Variants in CLIC4 observed in about 807,000 individuals in gnomAD.
CLIC4 encodes CLIC family member 4, also known as chloride intracellular channel protein 4.
In CLIC4, 13 loss-of-function variants were observed where a neutral mutation model predicts 24.6. The observed-to-expected ratio is 0.53, with a 90% CI of 0.34 to 0.84. CLIC4 has a LOEUF of 0.84. Among genes scored for constraint, CLIC4 ranks in the 40% least tolerant of loss-of-function variants. The pLI is 0.01. For synonymous variants in CLIC4, 104 were observed against 111.3 expected, an observed-to-expected ratio of 0.93 and a Z score of 0.41; for missense variants, 227 against 301.7, an observed-to-expected ratio of 0.75 and a Z score of 1.83.
chr1:24,805,114 CA>C (rs1639536606), intron 2 of CLIC4, among the ~76,000 whole-genome samples: 2 of 112,402 alleles, frequency 1.8e-5, no homozygotes, highest in African/African-American at 6.6e-5. Context: ...AACACAAAAA[CA>C]AAGACAAACG....
At chr1:24,827,652 C>G (rs1300796097) in intron 4 of CLIC4, among the ~76,000 whole-genome samples, 1 of 151,296 alleles carries the variant, frequency 6.6e-6, no homozygotes, top group African/African-American at 2.4e-5. Flanking sequence ...ACATACTATC[C>G]TTCCAAATTT....
intron 1 of CLIC4, among the ~76,000 whole-genome samples, chr1:24,796,390 T>C (rs1182611280): frequency 6.7e-6 from 1 of 149,688 alleles, no homozygotes; most frequent in Non-Finnish European, 1.5e-5. Context: ...GGTTTCACCA[T>C]GTTGGCCAGG....
intron 3 of CLIC4, among the ~76,000 whole-genome samples, chr1:24,826,605 A>G (rs1174473630): frequency 1.3e-5 from 2 of 152,266 alleles, no homozygotes; most frequent in Non-Finnish European, 2.9e-5. Flanking sequence ...ACATGGCACT[A>G]GTGGCTACTG....
At chr1:24,772,948 G>T (rs1386796304) in intron 1 of CLIC4, among the ~76,000 whole-genome samples, 1 of 151,940 alleles carries the variant, frequency 6.6e-6, no homozygotes, top group Admixed American at 6.6e-5. Context: ...ATTGTTTATG[G>T]TCATCTTCAT....
At position 24,799,576 on chromosome 1, in the gene CLIC4, G is replaced by A. The variant is rs573263871; in HGVS notation, c.182+1725G>A. ...AGTGAGGAGCGTCTCCGCCCGGCCA[G>A]CCGCCCCGTCGGGGAGGGAGGTGGG... On this transcript the variant is annotated intron_variant, in intron 2 of 5. Coordinates refer to ENST00000374379, the MANE Select transcript of CLIC4 (RefSeq NM_013943.3). 2.0e-5 allele frequency among the ~76,000 whole-genome samples: 3 copies of A among 150,076 alleles called. No individual in the cohort carries two copies. The East Asian group carries it at 5.9e-4, about 30-fold the overall frequency.
chr1:24,827,606 G>C (rs1571264654), intron 4 of CLIC4, among the ~76,000 whole-genome samples: 1 of 125,300 alleles, frequency 8.0e-6, no homozygotes, highest in South Asian at 2.5e-4. Flanking sequence ...AATTACCCTT[G>C]AGCAATGTTT....
At position 24,748,432 on chromosome 1, in the gene CLIC4, G is replaced by T. The variant is rs988014372; in HGVS notation, c.72+2807G>T. Among the ~76,000 whole-genome samples, 72 of 145,220 alleles carry T rather than the reference G, an allele frequency of 5.0e-4. 1 individual carries two copies. The highest frequency in any genetic ancestry group is 1.7e-4 in the Non-Finnish European group (11 of 66,554). On this transcript the variant is annotated intron_variant, in intron 1 of 5. Transcript: ENST00000374379. ...CTTGTTTGTCTCATTTGTGAAATAA[G>T]AAATGTTTTCTGCTACCCAGTGATT... is the stretch of plus-strand genomic sequence containing the variant.
intron 1 of CLIC4, among the ~76,000 whole-genome samples, chr1:24,750,362 C>G (rs184689617): frequency 6.6e-6 from 1 of 151,732 alleles, no homozygotes; most frequent in Non-Finnish European, 1.5e-5. Context: ...CCAACAGATA[C>G]GGTATATTTG....
At chr1:24,746,365 G>A (rs1638698360) in intron 1 of CLIC4, among the ~76,000 whole-genome samples, 1 of 152,132 alleles carries the variant, frequency 6.6e-6, no homozygotes, top group Non-Finnish European at 1.5e-5. Flanking sequence ...AAGAAATTGA[G>A]GGAGAGAATT....
At chr1:24,791,962 T>C (rs1310688182) in intron 1 of CLIC4, among the ~76,000 whole-genome samples, 1 of 149,534 alleles carries the variant, frequency 6.7e-6, no homozygotes, top group Non-Finnish European at 1.5e-5. Flanking sequence ...GGCAGGAGAA[T>C]GGCCTGAACC....
chr1:24,820,092 T>TATATATATATATATATATATATATAC (rs1639713572), intron 3 of CLIC4, among the ~76,000 whole-genome samples: 1 of 111,640 alleles, frequency 9.0e-6, no homozygotes, highest in Non-Finnish European at 1.9e-5. Flanking sequence ...TATATATATA[T>TATATATATATATATATATATATATAC]ATATAGACAG....
At chr1:24,813,512 G>A (rs1014537141) in intron 2 of CLIC4, among the ~76,000 whole-genome samples, 9 of 150,468 alleles carry the variant, frequency 6.0e-5, no homozygotes, top group Admixed American at 3.3e-4. Flanking sequence ...TCCGCCTCCC[G>A]GGTTCAAGTG....
intron 4 of CLIC4, among the ~76,000 whole-genome samples, chr1:24,831,343 G>A (rs1364457264): frequency 3.3e-5 from 5 of 152,134 alleles, no homozygotes; most frequent in Admixed American, 1.3e-4. Context: ...GATTACAGGC[G>A]TGAACCACTG....
intron 2 of CLIC4, among the ~76,000 whole-genome samples, chr1:24,811,404 A>G (rs1639613407): frequency 6.6e-6 from 1 of 152,184 alleles, no homozygotes; most frequent in Admixed American, 6.5e-5. Context: ...CTAATGGATC[A>G]CCTGGTGAAA....
At chr1:24,751,681 T>C (rs1350454957) in intron 1 of CLIC4, among the ~76,000 whole-genome samples, 4 of 152,032 alleles carry the variant, frequency 2.6e-5, no homozygotes, top group Non-Finnish European at 5.9e-5. Context: ...TTGGCCAACA[T>C]GGCGAAACCC....
chr1:24,792,653 T>C (rs982801477), intron 1 of CLIC4, among the ~76,000 whole-genome samples: 10 of 152,232 alleles, frequency 6.6e-5, no homozygotes, highest in African/African-American at 2.4e-4. Context: ...AAGGGACTTT[T>C]TTCAGGTCCG....
chr1:24,830,860 T>C (rs957754477), intron 4 of CLIC4, among the ~76,000 whole-genome samples: 2 of 152,198 alleles, frequency 1.3e-5, no homozygotes, highest in African/African-American at 4.8e-5. Flanking sequence ...AGCTACTTTG[T>C]GATGGCTTGC....
chr1:24,750,118 C>T (rs917656004), intron 1 of CLIC4, among the ~76,000 whole-genome samples: 8 of 152,142 alleles, frequency 5.3e-5, no homozygotes, highest in Non-Finnish European at 8.8e-5. Context: ...TGGTGGCCCA[C>T]GCCTGCAGCC....
chr1:24,752,842 C>G (rs1202314386), intron 1 of CLIC4, among the ~76,000 whole-genome samples: 1 of 152,146 alleles, frequency 6.6e-6, no homozygotes, highest in African/African-American at 2.4e-5. Flanking sequence ...TCTGCCTCAG[C>G]CTCTGGAGTA....
Sources: allele counts gnomAD v4.1 joint callset (sites outside exome capture counted in the v4.1 genomes callset), GRCh38; gene constraint gnomAD v4.1.1; transcripts MANE v1.5; gene names NCBI Gene and HGNC (gene_info 2026-07-23, HGNC 2026-07-21).